TNFRSF19: variants seen among roughly 807,000 people sequenced by gnomAD.
TNFRSF19 encodes TNF receptor superfamily member 19, also known as tumor necrosis factor receptor superfamily member 19.
TNFRSF19 carries 27 observed loss-of-function variants against 46.4 expected under a neutral mutation model. That is an observed-to-expected ratio of 0.58 (90% CI 0.43 to 0.80). The LOEUF (loss-of-function observed/expected upper bound fraction) is 0.80. Ranked by LOEUF, TNFRSF19 falls within the 30% of genes least tolerant of loss-of-function variation. The pLI is 0.00. For missense variants in TNFRSF19, 511 were observed against 530.8 expected (o/e 0.96, Z 0.37); for synonymous variants, 204 against 205.0 (o/e 1.00, Z 0.04).
chr13:23,659,054 C>T lies in TNFRSF19; in HGVS notation c.450C>T (p.Ala150=). 3 of 1,613,518 alleles carry T rather than the reference C, an allele frequency of 1.9e-6. No homozygotes were observed. Among genetic ancestry groups the T allele is most frequent in the Non-Finnish European group, 2.5e-6 (3 of 1,180,042 alleles). The change falls in exon 6 of 10, where the codon GCC becomes GCT. Residue 150 remains alanine, a synonymous_variant. Coordinates refer to ENST00000248484, the MANE Select transcript of TNFRSF19 (RefSeq NM_148957.4). This position sits in a 1 kb window ranked among gnomAD's most constrained non-coding sequence, Gnocchi z 4.9. ...ACCCCATTCCTGTGGTTTCAGGTGCCAGCAAGGTCAACCTCGTGAAGATCG... is the reference window on the plus strand; with the variant it reads ...ACCCCATTCCTGTGGTTTCAGGTGCTAGCAAGGTCAACCTCGTGAAGATCG... ...DPPPPYEPHC[A]SKVNLVKIAS...
chr13:23,580,237 G>A (rs138158873), intron 1 of TNFRSF19, among the ~76,000 whole-genome samples: 20 of 152,262 alleles, frequency 1.3e-4, no homozygotes, highest in African/African-American at 4.3e-4. Flanking sequence ...TCCAGTCTCC[G>A]TTCACTATTG....
chr13:23,595,995 A>G (rs1281939023), intron 3 of TNFRSF19, among the ~76,000 whole-genome samples: 1 of 152,210 alleles, frequency 6.6e-6, no homozygotes, highest in East Asian at 1.9e-4. Context: ...CCAGAATTTC[A>G]TATCCAGCCA....
chr13:23,665,751 T>A (rs1951619736), intron 7 of TNFRSF19, among the ~76,000 whole-genome samples: 1 of 152,218 alleles, frequency 6.6e-6, no homozygotes, highest in African/African-American at 2.4e-5. Flanking sequence ...AACAACAGCA[T>A]AATTATTAAA....
rs1951799546 is a variant in TNFRSF19, at chr13:23,674,459, T to C, written c.*1079T>C. ...TTTGACCAGGACATTGTCGTGCTCC[T>C]TCCAATTGTGTAAGATTAGTTAGCA... On this transcript the variant is annotated 3_prime_UTR_variant, in exon 10 of 10. Coordinates refer to ENST00000248484, the MANE Select transcript of TNFRSF19 (RefSeq NM_148957.4). 6.6e-6 allele frequency: 1 copy of C among 152,214 alleles called. No individual in the cohort carries two copies. The highest frequency in any genetic ancestry group is 2.4e-5 in the African/African-American group (1 of 41,456). The allele number at this position is 152,214 out of a possible 1,614,324, so 9.4% of individuals were successfully genotyped here.
chr13:23,572,903 T>C (rs1215387555), intron 1 of TNFRSF19, among the ~76,000 whole-genome samples: 4 of 152,216 alleles, frequency 2.6e-5, no homozygotes, highest in Non-Finnish European at 5.9e-5. Flanking sequence ...GGCAGCTTTG[T>C]TACTACAGAA....
chr13:23,587,498 A>C (rs1384309805), intron 1 of TNFRSF19, among the ~76,000 whole-genome samples: 1 of 152,230 alleles, frequency 6.6e-6, no homozygotes. Context: ...CCTTTCAGGC[A>C]CCTAATGACC....
intron 5 of TNFRSF19, among the ~76,000 whole-genome samples, chr13:23,638,496 C>T (rs1167175683): frequency 6.6e-6 from 1 of 152,140 alleles, no homozygotes; most frequent in East Asian, 1.9e-4. Context: ...CTTTTTCGGT[C>T]TTCTTTTCTT....
At chr13:23,665,943 G>T (rs1008571208) in intron 7 of TNFRSF19, among the ~76,000 whole-genome samples, 1 of 152,142 alleles carries the variant, frequency 6.6e-6, no homozygotes, top group African/African-American at 2.4e-5. Flanking sequence ...TGTGTCTCAT[G>T]ATACTGATTT....
chr13:23,586,551 C>T (rs980719117), intron 1 of TNFRSF19, among the ~76,000 whole-genome samples: 7 of 152,222 alleles, frequency 4.6e-5, no homozygotes, highest in African/African-American at 1.7e-4. Context: ...AGCTGCCCTT[C>T]CCCGGCAGTG....
intron 5 of TNFRSF19, among the ~76,000 whole-genome samples, chr13:23,643,655 C>A (rs1006180508): frequency 6.6e-6 from 1 of 152,192 alleles, no homozygotes. Context: ...GGCAATAAAA[C>A]AATGATGGGC....
At chr13:23,663,357 G>C (rs1455476891) in intron 7 of TNFRSF19, among the ~76,000 whole-genome samples, 1 of 152,184 alleles carries the variant, frequency 6.6e-6, no homozygotes, top group Non-Finnish European at 1.5e-5. Context: ...GCATCCCAGG[G>C]ATGAAGCCTG....
chr13:23,662,966 G>A (rs1488557112), intron 7 of TNFRSF19, among the ~76,000 whole-genome samples: 1 of 152,070 alleles, frequency 6.6e-6, no homozygotes, highest in Admixed American at 6.6e-5. Flanking sequence ...CTGCAAACAG[G>A]GATAGTTTGA....
At chr13:23,649,872 TC>T (rs1260189049) in intron 5 of TNFRSF19, among the ~76,000 whole-genome samples, 3 of 152,222 alleles carry the variant, frequency 2.0e-5, no homozygotes, top group Admixed American at 2.0e-4. Flanking sequence ...GTTTTCATTC[TC>T]TCATTGATTT....
At chr13:23,578,705 G>A (rs955197617) in intron 1 of TNFRSF19, among the ~76,000 whole-genome samples, 3 of 152,250 alleles carry the variant, frequency 2.0e-5, no homozygotes, top group Non-Finnish European at 4.4e-5. Flanking sequence ...TGGTGGAAAA[G>A]TATTTTACAG....
At chr13:23,621,587 T>G (rs967155517) in intron 4 of TNFRSF19, among the ~76,000 whole-genome samples, 3 of 152,190 alleles carry the variant, frequency 2.0e-5, no homozygotes, top group Non-Finnish European at 4.4e-5. Context: ...ACTCACTGAT[T>G]GAAGAATTAG....
chr13:23,578,611 G>C (rs556442806), intron 1 of TNFRSF19, among the ~76,000 whole-genome samples: 1 of 152,376 alleles, frequency 6.6e-6, no homozygotes, highest in Admixed American at 6.5e-5. Context: ...GTGAGAAACG[G>C]TGGATGCCTT....
chr13:23,646,460 CT>C (rs1453632350), intron 5 of TNFRSF19, among the ~76,000 whole-genome samples: 1 of 152,180 alleles, frequency 6.6e-6, no homozygotes, highest in East Asian at 1.9e-4. Flanking sequence ...TCCCCCACCC[CT>C]AGTAATTTAT....
At chr13:23,615,746 TG>T in intron 3 of TNFRSF19, 120 bp from the exon 4 acceptor site, 1 of 997,182 alleles carries the variant, frequency 1.0e-6, no homozygotes, top group Non-Finnish European at 1.4e-6. Context: ...GAGCTGCCTT[TG>T]TGTCTAGGAA....
At chr13:23,661,403 T>C (rs1187679344) in intron 7 of TNFRSF19, among the ~76,000 whole-genome samples, 1 of 152,268 alleles carries the variant, frequency 6.6e-6, no homozygotes, top group Non-Finnish European at 1.5e-5. Context: ...TAGTATTCCA[T>C]GGTGTATATA....
Sources: gnomAD v4.1 joint callset for allele counts (sites outside exome capture counted in the v4.1 genomes callset) on GRCh38, gnomAD v4.1.1 for gene constraint, Gnocchi (gnomAD v3.1) non-coding constraint, MANE v1.5 for transcripts, NCBI Gene and HGNC (gene_info 2026-07-23, HGNC 2026-07-21) for gene names.